Variants in ITSN2 observed in about 807,000 individuals in gnomAD.
The protein encoded by ITSN2 is intersectin-2.
ITSN2 carries 156 observed loss-of-function variants against 243.7 expected under a neutral mutation model. The ratio of observed to expected loss-of-function variants is 0.64; its 90% CI spans 0.56 to 0.73. ITSN2 has a LOEUF of 0.73. Among genes scored for constraint, ITSN2 ranks in the 30% least tolerant of loss-of-function variants. The probability of loss-of-function intolerance (pLI) is 0.00; values close to 1 mark genes in which losing one functional copy is unlikely to be tolerated. For synonymous variants in ITSN2, 703 were observed against 699.9 expected (o/e 1.00, Z -0.07); for missense variants, 1,801 against 1,996.1 (o/e 0.90, Z 1.86).
chr2:24,319,992 T>C (rs1212538244), intron 2 of ITSN2, among the ~76,000 whole-genome samples: 1 of 152,206 alleles, frequency 6.6e-6, no homozygotes, highest in Non-Finnish European at 1.5e-5. Context: ...TAGATTTTCT[T>C]TTTTTGCAGG....
chr2:24,348,190 ATTTTTTTT>A (rs67272042), intron 1 of ITSN2, among the ~76,000 whole-genome samples: 3 of 97,776 alleles, frequency 3.1e-5, no homozygotes, highest in Admixed American at 1.2e-4. Flanking sequence ...AAATACTATG[ATTTTTTTT>A]TTTTTTTTTT....
chr2:24,309,788 G>A (rs912966865), intron 7 of ITSN2, among the ~76,000 whole-genome samples: 1 of 152,168 alleles, frequency 6.6e-6, no homozygotes, highest in African/African-American at 2.4e-5. Flanking sequence ...GCTAGGATAT[G>A]AATGTTGTTC....
At chr2:24,284,234 C>A (rs1679184538) in intron 17 of ITSN2, among the ~76,000 whole-genome samples, 1 of 152,124 alleles carries the variant, frequency 6.6e-6, no homozygotes. Context: ...ATCTGATGTG[C>A]AAGCATGTCT....
intron 15 of ITSN2, among the ~76,000 whole-genome samples, chr2:24,290,597 G>A (rs1444318140): frequency 6.6e-6 from 1 of 152,050 alleles, no homozygotes; most frequent in Non-Finnish European, 1.5e-5. Context: ...TAGTTTTTAA[G>A]TTGTTTTTAT....
At chr2:24,321,752 G>A (rs190173595) in intron 2 of ITSN2, 1 of 152,236 alleles carries the variant, frequency 6.6e-6, no homozygotes, top group Non-Finnish European at 1.5e-5. Context: ...AAATTATGAT[G>A]CTGATTTTAA....
At chr2:24,269,518 T>A (rs1677089854) in intron 20 of ITSN2, among the ~76,000 whole-genome samples, 1 of 152,072 alleles carries the variant, frequency 6.6e-6, no homozygotes, top group Admixed American at 6.6e-5. Context: ...ACAGCTAACT[T>A]TATGTTTCTG....
chr2:24,284,653 T>C (rs1002407212), intron 17 of ITSN2, 110 bp downstream of exon 17: 2 of 694,138 alleles, frequency 2.9e-6, no homozygotes, highest in Non-Finnish European at 5.2e-6. Flanking sequence ...TTATATTGTA[T>C]ATGTTATTTC....
intron 24 of ITSN2, among the ~76,000 whole-genome samples, 161 bp from the exon 25 acceptor site, chr2:24,252,672 G>A (rs1045923820): frequency 1.3e-5 from 2 of 152,176 alleles, no homozygotes; most frequent in Non-Finnish European, 2.9e-5. Flanking sequence ...AAAAAGGAAC[G>A]AAGCAATTAT....
intron 37 of ITSN2, chr2:24,206,118 T>C (rs1668830939): frequency 9.9e-6 from 3 of 301,740 alleles, no homozygotes; most frequent in South Asian, 5.7e-5. Flanking sequence ...AAAAACCGGA[T>C]TGACATCTTT....
chr2:24,302,035 T>C lies in ITSN2; in HGVS notation c.925A>G (p.Thr309Ala). The change falls in exon 10 of 40, where the codon ACT (threonine) becomes GCT (alanine). Residue 309 changes from threonine (T) to alanine (A), a missense_variant. Thr to Ala is a moderately conservative substitution (Grantham distance 58, BLOSUM62 0). Around this residue, in one of 5 missense-constraint regions of ITSN2, gnomAD observed 787 missense variants for 803.9 expected, o/e 0.98. Transcript: ENST00000355123. ...GGCTGTCCAGCTTTGGCCATGTCAG[T>C]AAGGTGCATTGCAAGAATAAACTCT... ...AEEFILAMHLTDMAKAGQPLP... is the reference protein window; with the variant it reads ...AEEFILAMHLADMAKAGQPLP... The C allele has an allele frequency of 3.1e-6, 5 of 1,613,226 alleles. No homozygotes were observed. The highest frequency in any genetic ancestry group is 3.4e-6 in the Non-Finnish European group (4 of 1,179,368).
Position 24,216,033 on chromosome 2 carries a change from C to T in ITSN2, c.3990+16G>A. 2 of 1,567,196 alleles carry T rather than the reference C, an allele frequency of 1.3e-6. No individual in the cohort carries two copies. The highest frequency in any genetic ancestry group is 1.7e-6 in the Non-Finnish European group (2 of 1,152,864). On this transcript the variant is annotated intron_variant, in intron 32 of 39. Coordinates refer to ENST00000355123, the MANE Select transcript of ITSN2 (RefSeq NM_006277.3). ...CTCAGAAGGAGCCTGACCCGCAAGG[C>T]CCAGAATGGAATTACCTTTAAAAAT...
At chr2:24,291,127 C>CT (rs976060295) in intron 15 of ITSN2, among the ~76,000 whole-genome samples, 18 of 149,572 alleles carry the variant, frequency 1.2e-4, no homozygotes, top group South Asian at 2.1e-4. Context: ...ATTCAGGAAT[C>CT]TTTTTTTTTT....
chr2:24,235,728 A>T (rs192513917), intron 29 of ITSN2, among the ~76,000 whole-genome samples: 1 of 152,252 alleles, frequency 6.6e-6, no homozygotes, highest in Non-Finnish European at 1.5e-5. Context: ...TCTCCAAAGG[A>T]GGTATACAAA....
At chr2:24,294,712 A>G (rs1680718875) in intron 14 of ITSN2, among the ~76,000 whole-genome samples, 1 of 152,206 alleles carries the variant, frequency 6.6e-6, no homozygotes, top group African/African-American at 2.4e-5. Context: ...CTTTAAGTCA[A>G]AATTTCCTAA....
intron 1 of ITSN2, among the ~76,000 whole-genome samples, chr2:24,329,175 T>C (rs1685500533): frequency 6.6e-6 from 1 of 152,260 alleles, no homozygotes; most frequent in South Asian, 2.1e-4. Context: ...GAGTGCAGTA[T>C]CATTTTGAAC....
At chr2:24,287,575 T>A (rs1406937920) in intron 15 of ITSN2, among the ~76,000 whole-genome samples, 1 of 152,156 alleles carries the variant, frequency 6.6e-6, no homozygotes, top group Non-Finnish European at 1.5e-5. Context: ...GATTGCTGGA[T>A]CATACAAGAG....
Position 24,286,051 on chromosome 2 carries a change from G to C in ITSN2, c.1863+161C>G, listed in dbSNP as rs758987684. Among the ~76,000 whole-genome samples the C allele has an allele frequency of 2.0e-5, 3 of 151,650 alleles. No individual in the cohort carries two copies. The South Asian group carries it at 6.2e-4, about 31-fold the overall frequency. On this transcript the variant is annotated intron_variant, in intron 16 of 39. Transcript: ENST00000355123. ...TATATGACACTATGTCATATAACTA[G>C]AACATTAAAAACAATCTTGAAATTC...
chr2:24,206,277 T>C (rs2151077219), intron 37 of ITSN2: 1 of 434,112 alleles, frequency 2.3e-6, no homozygotes, highest in Non-Finnish European at 4.7e-6. Context: ...GGGGGAAACC[T>C]GAATAAAAAA....
rs369898979 is a variant in ITSN2 at position 24,217,962 on chromosome 2, C to T, written c.3751G>A (p.Ala1251Thr). 51 of 1,613,992 alleles carry T rather than the reference C, an allele frequency of 3.2e-5. No individual in the cohort carries two copies. The highest frequency in any genetic ancestry group is 1.7e-4 in the Admixed American group (10 of 59,992). The change falls in exon 31 of 40, where the codon GCC becomes ACC. Residue 1251 changes from alanine (A) to threonine (T), a missense_variant. Ala to Thr is a moderately conservative substitution (Grantham distance 58). This residue lies in a region of ITSN2 where 928 missense variants were observed against 1,065.4 expected (regional missense o/e 0.87). Coordinates refer to ENST00000355123, the MANE Select transcript of ITSN2 (RefSeq NM_006277.3). The stretch of plus-strand genomic sequence containing the variant: ...TCCTTCCAGTTAACAAAAATCAGGG[C>T]CATCTCCCCTTCAGTGAGAAAGCCT... ...ESGFLTEGEM[A>T]LIFVNWKELI...
Sources: gnomAD v4.1 joint callset for allele counts (sites outside exome capture counted in the v4.1 genomes callset) on GRCh38, gnomAD v4.1.1 for gene constraint, gnomAD v4.1.1 regional missense constraint, MANE v1.5 for transcripts, NCBI Gene and HGNC (gene_info 2026-07-23, HGNC 2026-07-21) for gene names.